The following NCKAP1L variants were observed in gnomAD, a reference collection of about 807,000 sequenced individuals.
NCKAP1L encodes NCK associated protein 1 like, also known as nck-associated protein 1-like.
NCKAP1L carries 53 observed loss-of-function variants against 139.2 expected under a neutral mutation model. The observed-to-expected ratio is 0.38, with a 90% CI of 0.31 to 0.48. The LOEUF (loss-of-function observed/expected upper bound fraction) is 0.48, where lower values mean the gene tolerates loss of function less well. NCKAP1L is among the 20% of genes least tolerant of loss of function. NCKAP1L has a pLI of 0.98. For synonymous variants in NCKAP1L, 468 were observed against 499.7 expected (o/e 0.94, Z 0.85); for missense variants, 1,151 against 1,381.9 (o/e 0.83, Z 2.65).
chr12:54,508,192 T>C (rs546255417), intron 4 of NCKAP1L, among the ~76,000 whole-genome samples, 197 bp from the exon 5 acceptor site: 1 of 152,240 alleles, frequency 6.6e-6, no homozygotes, highest in African/African-American at 2.4e-5. Context: ...TTTCCTGGCC[T>C]CCTTGTATAT....
chr12:54,541,718 T>G (rs1437705128), intron 30 of NCKAP1L, among the ~76,000 whole-genome samples: 1 of 152,212 alleles, frequency 6.6e-6, no homozygotes, highest in Non-Finnish European at 1.5e-5. Context: ...TAGTGAATTT[T>G]CAGGACTTGG....
intron 10 of NCKAP1L, 51 bp from the exon 11 acceptor site, chr12:54,516,845 G>T: frequency 6.7e-7 from 1 of 1,503,586 alleles, no homozygotes. Flanking sequence ...GCCTGTGGAG[G>T]GTTTTTAAGG....
At position 54,531,364 on chromosome 12, in the gene NCKAP1L, T is replaced by G; in HGVS notation, c.2604+7T>G. Reference sequence around the variant, plus strand: ...TCAGATTGTGGAGCTGAAGGTACTATGGAAACAATCCCTTGGGGAAAAGAT... The same window carrying G: ...TCAGATTGTGGAGCTGAAGGTACTAGGGAAACAATCCCTTGGGGAAAAGAT... On this transcript the variant is annotated splice_region_variant and intron_variant, in intron 23 of 30. Coordinates refer to ENST00000293373, the MANE Select transcript of NCKAP1L (RefSeq NM_005337.5). 6.2e-7 allele frequency: 1 copy of G among 1,613,822 alleles called. No homozygotes were observed. Among genetic ancestry groups the G allele is most frequent in the Non-Finnish European group, 8.5e-7 (1 of 1,179,774 alleles).
At position 54,506,796 on chromosome 12, in the gene NCKAP1L, A is replaced by AAAATATATATATATAT; in HGVS notation, c.307-1056_307-1055insAATATATATATATATA. 6.3e-3 allele frequency among the ~76,000 whole-genome samples: 318 copies of AAAATATATATATATAT among 50,546 alleles called. 4 individuals carry two copies. The highest frequency in any genetic ancestry group is 9.7e-3 in the East Asian group (9 of 932). 33.2% of individuals were successfully genotyped at this position (50,546 alleles called of 152,430 possible). On this transcript the variant is annotated intron_variant, in intron 3 of 30. Transcript: ENST00000293373. Reference sequence around the variant, plus strand: ...TTTTGGCAACATATTAAAAAAAAAAAATATATATATATATATATATATATA... The same window carrying AAAATATATATATATAT: ...TTTTGGCAACATATTAAAAAAAAAAAAAATATATATATATATATATATATATATATATATATATATA...
intron 3 of NCKAP1L, among the ~76,000 whole-genome samples, chr12:54,501,307 TATTCC>T (rs541986026): frequency 1.3e-3 from 195 of 152,312 alleles, no homozygotes; most frequent in African/African-American, 4.5e-3. Flanking sequence ...AGCTAAATAA[TATTCC>T]ATTGTATGAT....
chr12:54,499,580 T>C, intron 2 of NCKAP1L, 115 bp downstream of exon 2: 1 of 627,880 alleles, frequency 1.6e-6, no homozygotes, highest in Admixed American at 2.8e-5. Flanking sequence ...AGTCTTTTTT[T>C]ATTAATAGTT....
At chr12:54,522,451 A>T (rs1025385588) in intron 18 of NCKAP1L, among the ~76,000 whole-genome samples, 1 of 152,258 alleles carries the variant, frequency 6.6e-6, no homozygotes, top group African/African-American at 2.4e-5. Context: ...CCAAATGAGT[A>T]TAGGCTTTCT....
chr12:54,532,024 A>T, intron 25 of NCKAP1L, 146 bp from the exon 26 acceptor site: 1 of 749,096 alleles, frequency 1.3e-6, no homozygotes, highest in Non-Finnish European at 2.1e-6. Context: ...GGAAACCTAG[A>T]GGCATAAGGA....
chr12:54,534,994 C>CT, intron 26 of NCKAP1L, 110 bp from the exon 27 acceptor site: 2 of 754,512 alleles, frequency 2.7e-6, no homozygotes, highest in Middle Eastern at 3.9e-4. Flanking sequence ...ATAAAAGCAT[C>CT]TTTAAAAAAA....
At chr12:54,539,980 C>A (rs1196052984) in intron 30 of NCKAP1L, among the ~76,000 whole-genome samples, 1 of 152,192 alleles carries the variant, frequency 6.6e-6, no homozygotes, top group African/African-American at 2.4e-5. Flanking sequence ...CACAAAATCC[C>A]TCTAACTGAG....
rs892609365 is a variant in NCKAP1L at position 54,528,249 on chromosome 12, A to G, written c.2378A>G (p.Tyr793Cys). ...QTITTLYTNWYLESLLRQASS... is the reference protein window; with the variant it reads ...QTITTLYTNWCLESLLRQASS... ...TGTTTTCTTGGCCAACCCTGTAGGT[A>G]CCTGGAAAGTCTGCTTAGACAGGCA... Residue 793 changes from tyrosine (Y) to cysteine (C), a missense_variant and splice_region_variant, in exon 22 of 31, where the codon TAC becomes TGC. Coordinates refer to ENST00000293373, the MANE Select transcript of NCKAP1L (RefSeq NM_005337.5). 1.9e-6 allele frequency: 3 copies of G among 1,613,662 alleles called. No individual in the cohort carries two copies. The highest frequency in any genetic ancestry group is 2.7e-5 in the African/African-American group (2 of 75,006).
chr12:54,532,792 A>C (rs1037018644), intron 26 of NCKAP1L, among the ~76,000 whole-genome samples: 2 of 152,130 alleles, frequency 1.3e-5, no homozygotes, highest in Admixed American at 1.3e-4. Flanking sequence ...CACAGACAAT[A>C]TAAGTTAAGC....
chr12:54,526,219 A>G (rs1957024988), intron 20 of NCKAP1L, among the ~76,000 whole-genome samples: 1 of 152,186 alleles, frequency 6.6e-6, no homozygotes, highest in Non-Finnish European at 1.5e-5. Flanking sequence ...TACCTGAGCT[A>G]TTTCTCCAGA....
chr12:54,510,821 C>T (rs908984181), intron 7 of NCKAP1L, among the ~76,000 whole-genome samples: 2 of 151,838 alleles, frequency 1.3e-5, no homozygotes, highest in Non-Finnish European at 2.9e-5. Flanking sequence ...CGCGCCCAGC[C>T]TGTTTATTTT....
intron 3 of NCKAP1L, among the ~76,000 whole-genome samples, chr12:54,506,389 A>C (rs1189735149): frequency 6.6e-6 from 1 of 151,678 alleles, no homozygotes; most frequent in Non-Finnish European, 1.5e-5. Flanking sequence ...ACATCTTTTC[A>C]TGTGCTTATT....
chr12:54,533,114 A>AG (rs1957085875), intron 26 of NCKAP1L, among the ~76,000 whole-genome samples: 3 of 152,188 alleles, frequency 2.0e-5, no homozygotes, highest in Non-Finnish European at 4.4e-5. Context: ...GGGGGCAGTG[A>AG]GGGGGCAGTG....
rs1412862290 is a variant in NCKAP1L at position 54,508,661 on chromosome 12, A to G, written c.506+130A>G. The G allele has an allele frequency of 2.0e-5, 18 of 922,490 alleles. No homozygotes were observed. The African/African-American group carries it at 2.0e-4, about 10-fold the overall frequency. The allele number at this position is 922,490 out of a possible 1,614,324, so 57.1% of individuals were successfully genotyped here. ...ACCTATAATCTACATTGACCCAGGC[A>G]AAATAAGGTACACTTTTACATATTC... On this transcript the variant is annotated intron_variant, in intron 5 of 30. Transcript: ENST00000293373.
intron 7 of NCKAP1L, 58 bp downstream of exon 7, chr12:54,510,043 C>G (rs1956875118): frequency 1.3e-6 from 2 of 1,592,156 alleles, no homozygotes; most frequent in Non-Finnish European, 1.7e-6. Context: ...GCCATCATCT[C>G]TGTAGAGGGT....
rs771845952 is a variant in NCKAP1L, at chr12:54,518,465, G to A, written c.1339-186G>A. The A allele has an allele frequency of 4.1e-4, 269 of 658,726 alleles. 1 individual carries two copies. The highest frequency in any genetic ancestry group is 1.5e-4 in the Admixed American group (6 of 41,318). 40.8% of individuals were successfully genotyped at this position (658,726 alleles called of 1,614,324 possible). A position where few individuals can be genotyped will look rare whatever the true frequency, so the allele number is the denominator to read the frequency against. ...CATAGAAATAGGAGAGAAAAATAAA[G>A]AGAAACTGGATGTTAGAATGGCAGG... On this transcript the variant is annotated intron_variant, in intron 13 of 30. Transcript: ENST00000293373.
Sources: gnomAD v4.1 joint callset for allele counts (sites outside exome capture counted in the v4.1 genomes callset) on GRCh38, gnomAD v4.1.1 for gene constraint, MANE v1.5 for transcripts, NCBI Gene and HGNC (gene_info 2026-07-23, HGNC 2026-07-21) for gene names.